NEGR1: variants seen among roughly 807,000 people sequenced by gnomAD.
The protein encoded by NEGR1 is neuronal growth regulator 1.
NEGR1 carries 10 observed loss-of-function variants against 40.9 expected under a neutral mutation model. That is an observed-to-expected ratio of 0.24 (90% CI 0.15 to 0.42). NEGR1 has a LOEUF of 0.42. NEGR1 is among the 10% of genes least tolerant of loss of function. The probability of loss-of-function intolerance (pLI) is 1.00; values close to 1 mark genes in which losing one functional copy is unlikely to be tolerated. For missense variants in NEGR1, 352 were observed against 438.9 expected, an observed-to-expected ratio of 0.80 and a Z score of 1.77; for synonymous variants, 185 against 166.8, an observed-to-expected ratio of 1.11 and a Z score of -0.84.
Position 71,619,436 on chromosome 1 carries a change from T to A in NEGR1, c.668-8290A>T, listed in dbSNP as rs189279310. Among the ~76,000 whole-genome samples, 62 of 152,270 alleles carry A rather than the reference T, an allele frequency of 4.1e-4. No homozygotes were observed. In the East Asian group the frequency reaches 6.2e-3, roughly 15 times the overall value. On this transcript the variant is annotated intron_variant, in intron 4 of 6. Transcript: ENST00000357731. ...TGTGTTTATGTTTCCAGAACTGTTT[T>A]TCTTTTTGTATATATAGCCTTGTGT...
At chr1:71,471,106 C>T (rs1443026298) in intron 6 of NEGR1, among the ~76,000 whole-genome samples, 1 of 152,110 alleles carries the variant, frequency 6.6e-6, no homozygotes, top group Non-Finnish European at 1.5e-5. Flanking sequence ...AATTCCTACA[C>T]AGCTTACTAG....
intron 6 of NEGR1, among the ~76,000 whole-genome samples, chr1:71,481,455 G>A (rs114596956): frequency 0.011 from 1,742 of 151,902 alleles, 32 homozygotes; most frequent in African/African-American, 0.04. Flanking sequence ...GTATATATAC[G>A]TGTGAATCTC....
chr1:71,492,786 G>A (rs1452885672), intron 6 of NEGR1, among the ~76,000 whole-genome samples: 1 of 151,982 alleles, frequency 6.6e-6, no homozygotes, highest in Non-Finnish European at 1.5e-5. Flanking sequence ...ACAATTCAAC[G>A]ACAGACATAC....
chr1:72,056,441 C>T lies in NEGR1; in HGVS notation c.177-121130G>A, dbSNP rs889774530. ...TTTGGTTAGGATTATAAGAGAATAG[C>T]TTTTTCTTCTAAACTTCTCAGAGTT... On this transcript the variant is annotated intron_variant, in intron 1 of 6. Transcript: ENST00000357731. 5.3e-5 allele frequency among the ~76,000 whole-genome samples: 8 copies of T among 151,330 alleles called. No homozygotes were observed. In the South Asian group the frequency reaches 1.7e-3, roughly 31 times the overall value.
intron 1 of NEGR1, among the ~76,000 whole-genome samples, chr1:72,204,345 C>T (rs1440014090): frequency 6.6e-6 from 1 of 152,056 alleles, no homozygotes; most frequent in Non-Finnish European, 1.5e-5. Context: ...CCTCTCCAAC[C>T]TGTGCAATCC....
At chr1:72,098,040 G>C (rs1648776828) in intron 1 of NEGR1, among the ~76,000 whole-genome samples, 1 of 152,058 alleles carries the variant, frequency 6.6e-6, no homozygotes, top group Non-Finnish European at 1.5e-5. Flanking sequence ...CTTAATATTT[G>C]TCTGTGTTGT....
At chr1:71,594,010 T>C (rs1181935368) in intron 5 of NEGR1, among the ~76,000 whole-genome samples, 1 of 152,222 alleles carries the variant, frequency 6.6e-6, no homozygotes, top group Non-Finnish European at 1.5e-5. Context: ...ATGCTTTCTC[T>C]GATATTTGAA....
intron 1 of NEGR1, among the ~76,000 whole-genome samples, chr1:72,097,066 TA>T (rs1412504524): frequency 2.0e-5 from 3 of 152,350 alleles, no homozygotes. Context: ...TAAAATTTTA[TA>T]AAGTCTTACA....
chr1:71,772,273 G>A lies in NEGR1; in HGVS notation c.535+3899C>T, dbSNP rs137953197. 2.4e-3 allele frequency among the ~76,000 whole-genome samples: 371 copies of A among 152,128 alleles called. 2 individuals carry two copies. The highest frequency in any genetic ancestry group is 8.6e-3 in the African/African-American group (358 of 41,488). On this transcript the variant is annotated intron_variant, in intron 3 of 6. Coordinates refer to ENST00000357731, the MANE Select transcript of NEGR1 (RefSeq NM_173808.3). ...ACAAAAATTAGCTGGGTGTGGTGGC[G>A]CACGCTTGCGATCCCAGCTAGTTGG...
chr1:71,407,629 C>A (rs531723503), intron 6 of NEGR1, 59 bp from the exon 7 acceptor site: 12 of 1,570,560 alleles, frequency 7.6e-6, no homozygotes, highest in Non-Finnish European at 1.0e-5. Flanking sequence ...AGGATCTTGA[C>A]AATAATCAAA....
At chr1:72,175,777 G>A (rs1433107761) in intron 1 of NEGR1, among the ~76,000 whole-genome samples, 1 of 151,900 alleles carries the variant, frequency 6.6e-6, no homozygotes, top group East Asian at 1.9e-4. Context: ...GAACCAGACA[G>A]CAAAATTTGG....
intron 3 of NEGR1, among the ~76,000 whole-genome samples, chr1:71,741,499 A>G (rs1481765417): frequency 6.6e-6 from 1 of 152,134 alleles, no homozygotes; most frequent in East Asian, 1.9e-4. Context: ...CTCTCCAAAT[A>G]TCCATTCACC....
chr1:71,708,940 C>G (rs982040928), intron 3 of NEGR1, among the ~76,000 whole-genome samples: 1 of 152,188 alleles, frequency 6.6e-6, no homozygotes, highest in African/African-American at 2.4e-5. Flanking sequence ...TCTATGGCTG[C>G]ATAGTATTCC....
intron 1 of NEGR1, among the ~76,000 whole-genome samples, chr1:71,995,494 G>C (rs1646496560): frequency 6.6e-6 from 1 of 152,052 alleles, no homozygotes; most frequent in Admixed American, 6.6e-5. Context: ...AGGCTAAATA[G>C]ACATGTGTCT....
chr1:72,274,981 A>T (rs1175441471), intron 1 of NEGR1: 10 of 1,533,290 alleles, frequency 6.5e-6, no homozygotes, highest in Non-Finnish European at 9.0e-6. Flanking sequence ...GTACATTGCC[A>T]TAGTTAGTAC....
chr1:71,407,762 T>C, intron 6 of NEGR1, 192 bp from the exon 7 acceptor site: 1 of 529,880 alleles, frequency 1.9e-6, no homozygotes, highest in Non-Finnish European at 3.4e-6. Context: ...TTCAGTTTTC[T>C]CAAGGGCAAA....
chr1:72,169,656 A>G (rs34029663), intron 1 of NEGR1, among the ~76,000 whole-genome samples: 19,625 of 152,190 alleles, frequency 0.13, 1,667 homozygotes, highest in Non-Finnish European at 0.19. Flanking sequence ...GCTTTTTCTG[A>G]AAAGGTTTTT....
At chr1:71,784,352 T>C (rs1656836241) in intron 2 of NEGR1, among the ~76,000 whole-genome samples, 1 of 152,148 alleles carries the variant, frequency 6.6e-6, no homozygotes, top group Non-Finnish European at 1.5e-5. Context: ...AGGCTTTTTT[T>C]TTTTTAAAGA....
intron 4 of NEGR1, among the ~76,000 whole-genome samples, chr1:71,619,420 G>T (rs1489687238): frequency 6.6e-6 from 1 of 152,012 alleles, no homozygotes; most frequent in East Asian, 1.9e-4. Context: ...ATGTGTTTAT[G>T]TTTCCAGAAC....
Sources: gnomAD v4.1 joint callset for allele counts (sites outside exome capture counted in the v4.1 genomes callset) on GRCh38, gnomAD v4.1.1 for gene constraint, MANE v1.5 for transcripts, NCBI Gene and HGNC (gene_info 2026-07-23, HGNC 2026-07-21) for gene names.